Variants in SEMA5B observed in about 807,000 individuals in gnomAD.
SEMA5B encodes semaphorin 5B.
A neutral mutation model predicts 135.0 loss-of-function variants in SEMA5B; 66 were observed. The ratio of observed to expected loss-of-function variants is 0.49; its 90% CI spans 0.40 to 0.60. The LOEUF (loss-of-function observed/expected upper bound fraction) is 0.60. SEMA5B is among the 20% of genes least tolerant of loss of function. SEMA5B has a pLI of 0.00. For synonymous variants in SEMA5B, 690 were observed against 639.5 expected, an observed-to-expected ratio of 1.08 and a Z score of -1.19; for missense variants, 1,501 against 1,566.3, an observed-to-expected ratio of 0.96 and a Z score of 0.70.
At chr3:122,910,362 GCCAGAGCAAGGAGT>G in intron 22 of SEMA5B, 61 bp from the exon 23 acceptor site, 1 of 1,570,642 alleles carries the variant, frequency 6.4e-7, no homozygotes, top group Non-Finnish European at 8.7e-7. Context: ...AAGGGAACAG[GCCAGAGCAAGGAGT>G]CCAGAAGCCA....
At chr3:122,956,687 G>A (rs1444985621) in intron 2 of SEMA5B, among the ~76,000 whole-genome samples, 1 of 152,114 alleles carries the variant, frequency 6.6e-6, no homozygotes, top group Non-Finnish European at 1.5e-5. Flanking sequence ...TTTCAGACAG[G>A]GGATCGCCCA....
chr3:122,974,490 C>A (rs889712049), intron 1 of SEMA5B, among the ~76,000 whole-genome samples: 9 of 152,246 alleles, frequency 5.9e-5, no homozygotes, highest in Admixed American at 1.3e-4. Flanking sequence ...CCCTGAGCAC[C>A]TACAAGGCAG....
rs188499956 is a variant in SEMA5B, at chr3:122,937,230, T to C, written c.474+2195A>G. 2.0e-4 allele frequency among the ~76,000 whole-genome samples: 30 copies of C among 152,280 alleles called. No individual in the cohort carries two copies. In the East Asian group the frequency reaches 5.8e-3, roughly 29 times the overall value. On this transcript the variant is annotated intron_variant, in intron 5 of 22. Coordinates refer to ENST00000357599, the MANE Select transcript of SEMA5B (RefSeq NM_001031702.4). ...CTTGGTTACTGGTGACAGCAGACAC[T>C]GAGAACTGAAAGCTTATAACCAGGG...
intron 5 of SEMA5B, among the ~76,000 whole-genome samples, chr3:122,930,392 G>C (rs1460684179): frequency 6.6e-6 from 1 of 152,216 alleles, no homozygotes; most frequent in East Asian, 1.9e-4. Flanking sequence ...ACAGAGCCAC[G>C]GTGTTCATCT....
intron 1 of SEMA5B, among the ~76,000 whole-genome samples, chr3:122,973,139 G>C (rs529037551): frequency 6.6e-6 from 1 of 152,320 alleles, no homozygotes; most frequent in Non-Finnish European, 1.5e-5. Context: ...TCTTTGGGGA[G>C]TGGGCAGTAT....
chr3:122,918,249 G>A (rs1938173599), intron 12 of SEMA5B, among the ~76,000 whole-genome samples: 1 of 152,244 alleles, frequency 6.6e-6, no homozygotes, highest in African/African-American at 2.4e-5. Context: ...AGAAGATTCT[G>A]GAGAAATGCA....
intron 9 of SEMA5B, 123 bp from the exon 10 acceptor site, chr3:122,923,875 G>GTA: frequency 1.1e-6 from 1 of 922,838 alleles, no homozygotes; most frequent in Non-Finnish European, 1.6e-6. Context: ...GATGTGTCTG[G>GTA]CACATGGGGG....
chr3:122,936,227 C>T (rs941343916), intron 5 of SEMA5B, among the ~76,000 whole-genome samples: 9 of 152,152 alleles, frequency 5.9e-5, no homozygotes, highest in African/African-American at 1.7e-4. Context: ...GTGGTTTTCA[C>T]GCTGTGAGAG....
intron 17 of SEMA5B, 63 bp from the exon 18 acceptor site, chr3:122,913,124 C>G: frequency 7.0e-7 from 1 of 1,422,172 alleles, no homozygotes; most frequent in Non-Finnish European, 9.1e-7. Flanking sequence ...CCTGGGCCTC[C>G]CCGGGGCTCC....
intron 18 of SEMA5B, among the ~76,000 whole-genome samples, chr3:122,912,616 G>GAA (rs150722244): frequency 1.4e-5 from 2 of 144,902 alleles, no homozygotes; most frequent in Admixed American, 6.8e-5. Flanking sequence ...TAAGAAAGGT[G>GAA]AAAAAAAAAA....
intron 1 of SEMA5B, among the ~76,000 whole-genome samples, chr3:122,978,017 G>T (rs1161622392): frequency 6.6e-6 from 1 of 152,382 alleles, no homozygotes; most frequent in East Asian, 1.9e-4. Context: ...TGTCCTAGGG[G>T]CTCTGTGAAT....
At chr3:122,939,552 C>T in intron 4 of SEMA5B, 82 bp from the exon 5 acceptor site, 8 of 1,081,240 alleles carry the variant, frequency 7.4e-6, no homozygotes, top group Admixed American at 1.7e-5. Flanking sequence ...CTTGGGCCTC[C>T]TGGGACGCCA....
At position 122,921,915 on chromosome 3, in the gene SEMA5B, C is replaced by T. The variant is rs1938365287; in HGVS notation, c.1688G>A (p.Gly563Glu). ...LERCAAYRSQGACLGARDPYC... is the reference protein window; with the variant it reads ...LERCAAYRSQEACLGARDPYC... ...CGGGAGCCGCCCCGTCCCGGCTTAC[C>T]CCTGGCTGCGGTAGGCGGCGCACCT... Residue 563 changes from glycine (G) to glutamate (E), a missense_variant and splice_region_variant, in exon 12 of 23, where the codon GGG becomes GAG. Physicochemically the swap from Gly to Glu is moderately conservative, Grantham distance 98. Around this residue, in one of 2 missense-constraint regions of SEMA5B, gnomAD observed 927 missense variants for 881.6 expected, o/e 1.05. Coordinates refer to ENST00000357599, the MANE Select transcript of SEMA5B (RefSeq NM_001031702.4). 7 of 1,532,030 alleles carry T rather than the reference C, an allele frequency of 4.6e-6. No homozygotes were observed. Among genetic ancestry groups the T allele is most frequent in the South Asian group, 1.2e-5 (1 of 83,616 alleles). 94.9% of individuals were successfully genotyped at this position (1,532,030 alleles called of 1,614,324 possible).
At chr3:122,923,247 C>T (rs147352747) in intron 10 of SEMA5B, among the ~76,000 whole-genome samples, 153 of 152,356 alleles carry the variant, frequency 1.0e-3, no homozygotes, top group African/African-American at 3.4e-3. Flanking sequence ...AATTAGTACC[C>T]ATGTTGAACA....
intron 1 of SEMA5B, among the ~76,000 whole-genome samples, chr3:122,992,260 C>T (rs534635778): frequency 8.5e-5 from 13 of 152,310 alleles, no homozygotes; most frequent in South Asian, 4.1e-4. Flanking sequence ...CAGCAGCCCA[C>T]GGGTCAGGGG....
At chr3:122,931,937 A>C (rs1938993822) in intron 5 of SEMA5B, among the ~76,000 whole-genome samples, 1 of 152,222 alleles carries the variant, frequency 6.6e-6, no homozygotes, top group Non-Finnish European at 1.5e-5. Context: ...ACCAGAAAAA[A>C]TGACTAAGTT....
At chr3:122,997,783 T>A (rs935199486) in intron 1 of SEMA5B, among the ~76,000 whole-genome samples, 5 of 151,982 alleles carry the variant, frequency 3.3e-5, no homozygotes, top group Non-Finnish European at 7.4e-5. Context: ...GCCAGAGTCT[T>A]TGAGGGAAGC....
In SEMA5B at chr3:122,913,841, AGCCTGTTCTC is replaced by A; in HGVS notation, c.2132+7_2132+16del. 1 of 1,591,302 alleles carries A rather than the reference AGCCTGTTCTC, an allele frequency of 6.3e-7. No homozygotes were observed. The highest frequency in any genetic ancestry group is 1.1e-5 in the South Asian group (1 of 86,984). ...CCGGTTAGTCTGGGACCTCAGAGCA[AGCCTGTTCTC>A]CCTCACCGTTCCTCCCGGCTCTTGC... On this transcript the variant is annotated splice_region_variant and intron_variant, in intron 15 of 22. Coordinates refer to ENST00000357599, the MANE Select transcript of SEMA5B (RefSeq NM_001031702.4).
intron 1 of SEMA5B, among the ~76,000 whole-genome samples, chr3:122,999,731 C>T (rs1942125108): frequency 6.6e-6 from 1 of 152,148 alleles, no homozygotes; most frequent in Non-Finnish European, 1.5e-5. Context: ...TGAAGACTGC[C>T]AGCATCTGGT....
Sources: gnomAD v4.1 joint callset for allele counts (sites outside exome capture counted in the v4.1 genomes callset) on GRCh38, gnomAD v4.1.1 for gene constraint, gnomAD v4.1.1 regional missense constraint, MANE v1.5 for transcripts, NCBI Gene and HGNC (gene_info 2026-07-23, HGNC 2026-07-21) for gene names.